Variants in CORO7 observed in about 807,000 individuals in gnomAD.
The protein encoded by CORO7 is coronin-7.
A neutral mutation model predicts 126.6 loss-of-function variants in CORO7; 107 were observed. The ratio of observed to expected loss-of-function variants is 0.85; its 90% confidence interval spans 0.72 to 0.99. The LOEUF is 0.99. CORO7 is among the 50% of genes least tolerant of loss of function. The pLI, the probability that CORO7 is intolerant of heterozygous loss-of-function variation, is 0.00. For synonymous variants in CORO7, 603 were observed against 536.8 expected (o/e 1.12, Z -1.70); for missense variants, 1,314 against 1,255.8 (o/e 1.05, Z -0.70).
At chr16:4,388,790 C>T (rs111990987) in intron 7 of CORO7, among the ~76,000 whole-genome samples, 159 bp from the exon 8 acceptor site, 14 of 152,208 alleles carry the variant, frequency 9.2e-5, no homozygotes, top group African/African-American at 3.1e-4. Context: ...CCACTGGGAC[C>T]AAGGGTGGTC....
intron 5 of CORO7, 56 bp from the exon 6 acceptor site, chr16:4,405,623 G>C: frequency 6.3e-7 from 1 of 1,586,304 alleles, no homozygotes; most frequent in Non-Finnish European, 8.6e-7. Context: ...AGGGAAGTGG[G>C]TGGGGGCGGG....
At position 4,357,833 on chromosome 16, in the gene CORO7, T is replaced by C. The variant is rs1021427982; in HGVS notation, c.2593+135A>G. On this transcript the variant is annotated intron_variant, in intron 25 of 27. Transcript: ENST00000251166. ...TGCCCTCCACTGGCTCAGAGACTGA[T>C]TGACACAGCCACTCCACCCTCCCAA... The C allele has an allele frequency of 3.7e-5, 53 of 1,447,554 alleles. No homozygotes were observed. The African/African-American group carries it at 6.2e-4, about 17-fold the overall frequency. 89.7% of individuals were successfully genotyped at this position (1,447,554 alleles called of 1,614,324 possible).
chr16:4,376,458 C>G (rs1008776990), intron 9 of CORO7, among the ~76,000 whole-genome samples: 1 of 152,188 alleles, frequency 6.6e-6, no homozygotes, highest in Non-Finnish European at 1.5e-5. Context: ...CACGCTGAAG[C>G]ATACGGCACA....
chr16:4,411,798 G>A (rs2056221738), intron 3 of CORO7, among the ~76,000 whole-genome samples: 1 of 152,030 alleles, frequency 6.6e-6, no homozygotes, highest in South Asian at 2.1e-4. Flanking sequence ...GACAGTGAGA[G>A]GCGAGGCCAG....
At chr16:4,388,705 G>A (rs2141266270) in intron 7 of CORO7, 74 bp from the exon 8 acceptor site, 3 of 1,493,106 alleles carry the variant, frequency 2.0e-6, no homozygotes, top group Non-Finnish European at 2.7e-6. Flanking sequence ...ATGGGCCTGA[G>A]CTGGGGAACT....
chr16:4,403,327 C>T (rs947897648), intron 6 of CORO7, among the ~76,000 whole-genome samples: 3 of 152,282 alleles, frequency 2.0e-5, no homozygotes, highest in Non-Finnish European at 4.4e-5. Flanking sequence ...ACCAGGACCC[C>T]GATGTACTCC....
At chr16:4,407,896 C>T (rs1194493210) in intron 4 of CORO7, among the ~76,000 whole-genome samples, 2 of 152,192 alleles carry the variant, frequency 1.3e-5, no homozygotes, top group African/African-American at 2.4e-5. Context: ...ATCTCAGCTC[C>T]TAGACCACAC....
Position 4,354,960 on chromosome 16 carries a change from C to T in CORO7, c.*198G>A, listed in dbSNP as rs2053925693. 1.9e-6 allele frequency: 1 copy of T among 531,468 alleles called. No homozygotes were observed. Among genetic ancestry groups the T allele is most frequent in the Non-Finnish European group, 3.1e-6 (1 of 318,110 alleles). The allele number at this position is 531,468 out of a possible 1,614,324, so 32.9% of individuals were successfully genotyped here. A position where few individuals can be genotyped will look rare whatever the true frequency, so the allele number is the denominator to read the frequency against. On this transcript the variant is annotated 3_prime_UTR_variant, in exon 28 of 28. Transcript: ENST00000251166. ...CGGGCAGCTGATGAGCAGCAGCTGA[C>T]CCCAGAGACAGCAGAGGTGAAAACA...
intron 1 of CORO7, 97 bp from the exon 2 acceptor site, chr16:4,413,501 G>C: frequency 9.0e-7 from 1 of 1,109,182 alleles, no homozygotes; most frequent in Non-Finnish European, 1.3e-6. Flanking sequence ...GGGAACTCTA[G>C]CTCACAGCTG....
chr16:4,368,610 T>C (rs1232641925), intron 9 of CORO7, among the ~76,000 whole-genome samples: 1 of 151,510 alleles, frequency 6.6e-6, no homozygotes, highest in Non-Finnish European at 1.5e-5. Context: ...GAGCTGAGCA[T>C]GGTGGCGTGC....
At chr16:4,405,441 C>G (rs771880807) in intron 6 of CORO7, 50 bp downstream of exon 6, 2 of 1,571,194 alleles carry the variant, frequency 1.3e-6, no homozygotes, top group South Asian at 2.3e-5. Context: ...GGGTCCCAGC[C>G]CAGGAGGCCT....
At chr16:4,387,568 C>G (rs2055237887) in intron 9 of CORO7, among the ~76,000 whole-genome samples, 1 of 148,412 alleles carries the variant, frequency 6.7e-6, no homozygotes, top group Non-Finnish European at 1.5e-5. Flanking sequence ...CCCCACCCTG[C>G]CAGGCTGTCC....
In CORO7 at chr16:4,365,351, G is replaced by A. The variant is rs546047362; in HGVS notation, c.840+140C>T. ...CGGCCTTGTTCTCAGGAAGGCCAGT[G>A]TTCTAGGAGAGCTACAGTCACCTTG... On this transcript the variant is annotated intron_variant, in intron 10 of 27. Coordinates refer to ENST00000251166, the MANE Select transcript of CORO7 (RefSeq NM_024535.5). 1.5e-5 allele frequency: 19 copies of A among 1,307,138 alleles called. No homozygotes were observed. In the South Asian group the frequency reaches 2.1e-4, roughly 15 times the overall value. 81.0% of individuals were successfully genotyped at this position (1,307,138 alleles called of 1,614,324 possible).
At chr16:4,394,217 G>A (rs112728665) in intron 7 of CORO7, among the ~76,000 whole-genome samples, 10,593 of 152,116 alleles carry the variant, frequency 0.07, 494 homozygotes, top group African/African-American at 0.12. Flanking sequence ...AGGCCAAGGC[G>A]GGAGGATCAC....
At chr16:4,410,381 C>T (rs1362214374) in intron 3 of CORO7, among the ~76,000 whole-genome samples, 3 of 152,076 alleles carry the variant, frequency 2.0e-5, no homozygotes, top group African/African-American at 7.2e-5. Context: ...ACTATGATTG[C>T]ACCACCACAC....
chr16:4,373,188 G>A (rs1429147379), intron 9 of CORO7, among the ~76,000 whole-genome samples: 1 of 152,152 alleles, frequency 6.6e-6, no homozygotes. Flanking sequence ...CTTCTCCCAG[G>A]GGAGTTGGCC....
intron 9 of CORO7, chr16:4,381,385 C>A (rs756187808): frequency 6.3e-7 from 1 of 1,589,540 alleles, no homozygotes; most frequent in Admixed American, 1.8e-5. Context: ...GCGCCTGCCC[C>A]GCCTGCTGCT....
chr16:4,360,668 CCTCA>C, intron 19 of CORO7, 120 bp from the exon 20 acceptor site: 1 of 1,389,060 alleles, frequency 7.2e-7, no homozygotes, highest in Non-Finnish European at 9.7e-7. Context: ...TCCCGCCTCT[CCTCA>C]CTGCTGGTCT....
At chr16:4,381,870 GC>G (rs778406528) in intron 9 of CORO7, 3 of 1,603,584 alleles carry the variant, frequency 1.9e-6, no homozygotes, top group Non-Finnish European at 8.5e-7. Flanking sequence ...GCCACTTCCC[GC>G]CCAAGAACGC....
Sources: gnomAD v4.1 joint callset for allele counts (sites outside exome capture counted in the v4.1 genomes callset) on GRCh38, gnomAD v4.1.1 for gene constraint, MANE v1.5 for transcripts, NCBI Gene and HGNC (gene_info 2026-07-23, HGNC 2026-07-21) for gene names.